RTN4R: variants seen among roughly 807,000 people sequenced by gnomAD.
RTN4R encodes the protein reticulon 4 receptor.
RTN4R carries 4 observed loss-of-function variants against 27.7 expected under a neutral mutation model. The ratio of observed to expected loss-of-function variants is 0.14; its 90% confidence interval spans 0.07 to 0.33. The LOEUF is 0.33. Ranked by LOEUF, RTN4R falls within the 10% of genes least tolerant of loss-of-function variation. RTN4R has a pLI of 1.00. For synonymous variants in RTN4R, 290 were observed against 305.6 expected, an observed-to-expected ratio of 0.95 and a Z score of 0.53; for missense variants, 554 against 671.5, an observed-to-expected ratio of 0.83 and a Z score of 1.93.
rs762512054 is a variant in RTN4R at position 20,242,144 on chromosome 22, A to T, written c.989T>A (p.Leu330Gln). The T allele has an allele frequency of 6.8e-6, 11 of 1,612,316 alleles. No homozygotes were observed. The highest frequency in any genetic ancestry group is 2.2e-5 in the East Asian group (1 of 44,860). The change falls in exon 2 of 2, where the codon CTG (leucine) becomes CAG (glutamine). Residue 330 changes from leucine (L) to glutamine (Q), a missense_variant. Transcript: ENST00000043402. Reference protein sequence around the residue: ...WTGRATDEEPLGLPKCCQPDA... With the variant: ...WTGRATDEEPQGLPKCCQPDA... ...TGGCTGGCAGCACTTGGGAAGCCCCAGCGGCTCCTCATCGGTGGCCCTGCC... is the reference window on the plus strand; with the variant it reads ...TGGCTGGCAGCACTTGGGAAGCCCCTGCGGCTCCTCATCGGTGGCCCTGCC...
rs1481665238 is a variant in RTN4R at position 20,248,031 on chromosome 22, C to G, written c.23-4921G>C. On this transcript the variant is annotated intron_variant, in intron 1 of 1. Coordinates refer to ENST00000043402, the MANE Select transcript of RTN4R (RefSeq NM_023004.6). ...GAGATGTAGGTAGGTCCAGGGCCAGCAGGCCAGGCCAGAGGCTGGGCCCTT... is the reference window on the plus strand; with the variant it reads ...GAGATGTAGGTAGGTCCAGGGCCAGGAGGCCAGGCCAGAGGCTGGGCCCTT... 2.0e-5 allele frequency among the ~76,000 whole-genome samples: 3 copies of G among 152,326 alleles called. No individual in the cohort carries two copies. In the East Asian group the frequency reaches 5.8e-4, roughly 29 times the overall value.
chr22:20,262,805 T>G (rs1602652005), intron 1 of RTN4R, among the ~76,000 whole-genome samples: 3 of 152,212 alleles, frequency 2.0e-5, no homozygotes, highest in East Asian at 3.9e-4. Context: ...TGCACAAGCT[T>G]ACCCATGGCT....
At chr22:20,265,550 C>T (rs927072610) in intron 1 of RTN4R, among the ~76,000 whole-genome samples, 2 of 152,218 alleles carry the variant, frequency 1.3e-5, no homozygotes, top group Non-Finnish European at 2.9e-5. Context: ...GAAACTGAGG[C>T]TCAGGGGTTC....
rs73879311 is a variant in RTN4R at position 20,263,718 on chromosome 22, C to T, written c.22+4353G>A. On this transcript the variant is annotated intron_variant, in intron 1 of 1. Coordinates refer to ENST00000043402, the MANE Select transcript of RTN4R (RefSeq NM_023004.6). ...ATGGGGACCCTGGCCTGTGCCCACT[C>T]AGCCCCTCCTAAGGCCACTCTCGAG... is the stretch of plus-strand genomic sequence containing the variant. 8.0e-3 allele frequency among the ~76,000 whole-genome samples: 1,215 copies of T among 152,372 alleles called. 8 individuals carry two copies. Among genetic ancestry groups the T allele is most frequent in the African/African-American group, 0.028 (1,146 of 41,588 alleles).
intron 1 of RTN4R, among the ~76,000 whole-genome samples, chr22:20,249,388 C>T (rs745835480): frequency 5.3e-5 from 8 of 152,226 alleles, no homozygotes; most frequent in Non-Finnish European, 7.3e-5. Context: ...GGCTAGCATC[C>T]AGACCTAAGC....
In RTN4R at chr22:20,242,923, C is replaced by T. The variant is rs556287112; in HGVS notation, c.210G>A (p.Ser70=). The T allele has an allele frequency of 6.2e-6, 10 of 1,607,738 alleles. No individual in the cohort carries two copies. The highest frequency in any genetic ancestry group is 1.7e-5 in the Admixed American group (1 of 59,256). The change falls in exon 2 of 2, where the codon TCG becomes TCA. Residue 70 remains serine, a synonymous_variant. Transcript: ENST00000043402. ...QRIFLHGNRI[S]HVPAASFRAC... ...CACGGAAGCTGGCAGCTGGCACATG[C>T]GAGATGCGGTTGCCGTGCAGGAAGA...
At chr22:20,258,689 C>A (rs1331763738) in intron 1 of RTN4R, among the ~76,000 whole-genome samples, 5 of 152,186 alleles carry the variant, frequency 3.3e-5, no homozygotes, top group Non-Finnish European at 7.4e-5. Context: ...GCTCCCAGGG[C>A]AGGGCCCTCA....
In RTN4R at chr22:20,248,564, A is replaced by C. The variant is rs117664735; in HGVS notation, c.23-5454T>G. On this transcript the variant is annotated intron_variant, in intron 1 of 1. Coordinates refer to ENST00000043402, the MANE Select transcript of RTN4R (RefSeq NM_023004.6). Reference sequence around the variant, plus strand: ...TCCACTCGCTTGGCCCTCCCTCCGTACCTTGGCAAGGTGTGAAGTGGCCCC... The same window carrying C: ...TCCACTCGCTTGGCCCTCCCTCCGTCCCTTGGCAAGGTGTGAAGTGGCCCC... 3.4e-3 allele frequency among the ~76,000 whole-genome samples: 511 copies of C among 152,260 alleles called. 8 individuals are homozygous for C. In the East Asian group the frequency reaches 0.062, roughly 18 times the overall value.
At chr22:20,267,023 C>T (rs951373375) in intron 1 of RTN4R, among the ~76,000 whole-genome samples, 6 of 152,224 alleles carry the variant, frequency 3.9e-5, no homozygotes, top group South Asian at 2.1e-4. Flanking sequence ...GTGGTTATTG[C>T]GAAAGGGGCC....
chr22:20,258,593 G>A (rs971384899), intron 1 of RTN4R, among the ~76,000 whole-genome samples: 1 of 152,188 alleles, frequency 6.6e-6, no homozygotes, highest in African/African-American at 2.4e-5. Context: ...TGGACCCCCA[G>A]GCAGAAAGTG....
In RTN4R at chr22:20,243,091, C is replaced by A; in HGVS notation, c.42G>T (p.Trp14Cys). The A allele has an allele frequency of 6.3e-7, 1 of 1,599,976 alleles. No individual in the cohort carries two copies. The change falls in exon 2 of 2, where the codon TGG becomes TGT. Residue 14 changes from tryptophan to cysteine, a missense_variant. This residue lies in a region of RTN4R where 413 missense variants were observed against 542.3 expected (regional missense o/e 0.76). Coordinates refer to ENST00000043402, the MANE Select transcript of RTN4R (RefSeq NM_023004.6). ...CCTGCCAGGCCTGCAGCCACAGCAC[C>A]CATGCCAGCAGCCGGCTCCCTGTGG... ...ASAGGSRLLA[W>C]VLWLQAWQVA... is the part of the protein sequence containing the mutation.
At position 20,246,350 on chromosome 22, in the gene RTN4R, C is replaced by T. The variant is rs565537522; in HGVS notation, c.23-3240G>A. Among the ~76,000 whole-genome samples the T allele has an allele frequency of 2.6e-5, 4 of 152,356 alleles. No individual in the cohort carries two copies. The East Asian group carries it at 7.7e-4, about 29-fold the overall frequency. On this transcript the variant is annotated intron_variant, in intron 1 of 1. Coordinates refer to ENST00000043402, the MANE Select transcript of RTN4R (RefSeq NM_023004.6). Reference sequence around the variant, plus strand: ...AGCAAACAGTCCAGGACGCATCCCCCTGACGGGAGCAACAGGCAGCCCAGG... The same window carrying T: ...AGCAAACAGTCCAGGACGCATCCCCTTGACGGGAGCAACAGGCAGCCCAGG...
intron 1 of RTN4R, among the ~76,000 whole-genome samples, chr22:20,251,930 TCCCCAGGCGACCAGAGCAG>T (rs1299850935): frequency 4.9e-3 from 1 of 204 alleles, no homozygotes; most frequent in Admixed American, 0.045. Context: ...ACCATCATCA[TCCCCAGGCGACCAGAGCAG>T]CACCATCCTT....
Position 20,243,027 on chromosome 22 carries a change from CATT to C in RTN4R, c.103_105del (p.Asn35del). On this transcript the variant is annotated inframe_deletion, in exon 2 of 2. Transcript: ENST00000043402. ...GGGCAGCTTGTCGTCACCTTGGGCT[CATT>C]GTAGCATACGCAGGCACCTGGGCAT... 1.2e-6 allele frequency: 2 copies of C among 1,605,532 alleles called. No individual in the cohort carries two copies. The highest frequency in any genetic ancestry group is 1.7e-6 in the Non-Finnish European group (2 of 1,179,930).
At position 20,243,090 on chromosome 22, in the gene RTN4R, C is replaced by T; in HGVS notation, c.43G>A (p.Val15Met). The change falls in exon 2 of 2, where the codon GTG (valine) becomes ATG (methionine). Residue 15 changes from valine to methionine, a missense_variant. Val to Met is a conservative substitution (Grantham distance 21, BLOSUM62 1). Coordinates refer to ENST00000043402, the MANE Select transcript of RTN4R (RefSeq NM_023004.6). ...ACCTGCCAGGCCTGCAGCCACAGCA[C>T]CCATGCCAGCAGCCGGCTCCCTGTG... is the stretch of plus-strand genomic sequence containing the variant. ...SAGGSRLLAWVLWLQAWQVAA... is the reference protein window; with the variant it reads ...SAGGSRLLAWMLWLQAWQVAA... The T allele has an allele frequency of 6.3e-7, 1 of 1,599,968 alleles. No homozygotes were observed.
intron 1 of RTN4R, among the ~76,000 whole-genome samples, chr22:20,245,275 A>G (rs1306088290): frequency 1.3e-5 from 2 of 151,958 alleles, no homozygotes; most frequent in African/African-American, 4.8e-5. Context: ...TCGTAAACCA[A>G]CTTCTGAGAG....
In RTN4R at chr22:20,264,547, T is replaced by A. The variant is rs565713712; in HGVS notation, c.22+3524A>T. On this transcript the variant is annotated intron_variant, in intron 1 of 1. Transcript: ENST00000043402. ...TTGATTTGCCTGGCTCAGAAGAGAATCTGACAGGCTAGGAACGAACGAGTG... is the reference window on the plus strand; with the variant it reads ...TTGATTTGCCTGGCTCAGAAGAGAAACTGACAGGCTAGGAACGAACGAGTG... Among the ~76,000 whole-genome samples the A allele has an allele frequency of 2.6e-5, 4 of 152,318 alleles. No homozygotes were observed. The East Asian group carries it at 7.7e-4, about 29-fold the overall frequency.
rs1338759938 is a variant in RTN4R, at chr22:20,241,569, T to G, written c.*142A>C. 1.5e-5 allele frequency: 12 copies of G among 823,642 alleles called. No homozygotes were observed. Among genetic ancestry groups the G allele is most frequent in the Non-Finnish European group, 2.3e-5 (12 of 521,348 alleles). 51.0% of individuals were successfully genotyped at this position (823,642 alleles called of 1,614,324 possible). ...AAACATGATGGGGTGGAGATGGGGG[T>G]GGCGGGCGGCAGGCGTCCATCAGGG... On this transcript the variant is annotated 3_prime_UTR_variant, in exon 2 of 2. Transcript: ENST00000043402.
chr22:20,249,157 G>C (rs1412182081), intron 1 of RTN4R: 1 of 534,354 alleles, frequency 1.9e-6, no homozygotes, highest in Admixed American at 1.9e-5. Context: ...GGCTCATCTT[G>C]GTCCTGCAGC....
Sources: gnomAD v4.1 joint callset for allele counts (sites outside exome capture counted in the v4.1 genomes callset) on GRCh38, gnomAD v4.1.1 for gene constraint, gnomAD v4.1.1 regional missense constraint, MANE v1.5 for transcripts, NCBI Gene and HGNC (gene_info 2026-07-23, HGNC 2026-07-21) for gene names.